BLTP3A: variants seen among roughly 807,000 people sequenced by gnomAD.
The protein encoded by BLTP3A is ICBP90 binding protein 1.
chr6:34,867,609 G>A, the BLTP3A span: 144 of 1,612,586 alleles, frequency 8.9e-5, no homozygotes, highest in African/African-American at 1.8e-3. Flanking sequence ...TGCATGGACA[G>A]TGCCCAGGTA....
At chr6:34,864,826 G>A in the BLTP3A span, among the ~76,000 whole-genome samples, 700 of 152,070 alleles carry the variant, frequency 4.6e-3, 5 homozygotes, top group African/African-American at 0.016. Context: ...AAATTAGCTG[G>A]GCTTAGCGGC....
At chr6:34,851,895 A>C in the BLTP3A span, among the ~76,000 whole-genome samples, 2 of 152,006 alleles carry the variant, frequency 1.3e-5, no homozygotes, top group Non-Finnish European at 2.9e-5. Flanking sequence ...TCTCTCCAGG[A>C]CCACCACTGC....
the BLTP3A span, among the ~76,000 whole-genome samples, chr6:34,806,672 C>G: frequency 0.22 from 32,735 of 152,080 alleles, 4,244 homozygotes; most frequent in African/African-American, 0.36. Flanking sequence ...TATTCTCCCC[C>G]CCTCCCCAAG....
chr6:34,869,086 A>G, the BLTP3A span, among the ~76,000 whole-genome samples: 1 of 151,736 alleles, frequency 6.6e-6, no homozygotes, highest in African/African-American at 2.4e-5. Flanking sequence ...ACGTGCTGCA[A>G]CCTTCACCTC....
At chr6:34,836,228 A>G in the BLTP3A span, 1 of 1,613,982 alleles carries the variant, frequency 6.2e-7, no homozygotes, top group African/African-American at 1.3e-5. Flanking sequence ...CAACAGCAAC[A>G]GCAGCAGCAG....
At chr6:34,873,131 T>C in the BLTP3A span, 1 of 152,234 alleles carries the variant, frequency 6.6e-6, no homozygotes, top group Non-Finnish European at 1.5e-5. Context: ...TAAATAACAG[T>C]AGTGGCTCAG....
At chr6:34,836,272 G>T in the BLTP3A span, 1 of 1,614,070 alleles carries the variant, frequency 6.2e-7, no homozygotes, top group Non-Finnish European at 8.5e-7. Context: ...AATTTGATGT[G>T]AAAGAGTCCT....
chr6:34,847,763 TG>T, the BLTP3A span, among the ~76,000 whole-genome samples: 39 of 151,348 alleles, frequency 2.6e-4, no homozygotes, highest in African/African-American at 7.2e-4. Context: ...TCTTTTCTAT[TG>T]TTTTTTTTTC....
At chr6:34,848,902 C>T in the BLTP3A span, among the ~76,000 whole-genome samples, 1 of 146,386 alleles carries the variant, frequency 6.8e-6, no homozygotes, top group African/African-American at 2.5e-5. Context: ...TTCCTGTCTT[C>T]CTTTCTGTGA....
the BLTP3A span, among the ~76,000 whole-genome samples, chr6:34,805,389 T>A: frequency 4.6e-5 from 7 of 151,568 alleles, no homozygotes; most frequent in Admixed American, 4.6e-4. Context: ...AGTCAGGAGT[T>A]TGAGACAAGC....
chr6:34,820,254 C>G, the BLTP3A span, among the ~76,000 whole-genome samples: 1 of 151,810 alleles, frequency 6.6e-6, no homozygotes, highest in Non-Finnish European at 1.5e-5. Flanking sequence ...TTCTTCATTT[C>G]TCTCATCCCT....
the BLTP3A span, among the ~76,000 whole-genome samples, chr6:34,798,877 G>C: frequency 6.6e-6 from 1 of 152,214 alleles, no homozygotes; most frequent in Non-Finnish European, 1.5e-5. Context: ...TTAAGAGAAA[G>C]GAGGGGCTAT....
the BLTP3A span, chr6:34,856,393 C>G: frequency 6.2e-7 from 1 of 1,614,010 alleles, no homozygotes; most frequent in African/African-American, 1.3e-5. Context: ...TAGACTCTCT[C>G]TTTCGGAGAA....
the BLTP3A span, among the ~76,000 whole-genome samples, chr6:34,825,292 C>A: frequency 6.6e-6 from 1 of 151,800 alleles, no homozygotes; most frequent in Non-Finnish European, 1.5e-5. Context: ...CTCTCTCTGG[C>A]CTCTTTTCTT....
the BLTP3A span, among the ~76,000 whole-genome samples, chr6:34,832,350 G>A: frequency 6.6e-6 from 1 of 151,954 alleles, no homozygotes; most frequent in Admixed American, 6.6e-5. Flanking sequence ...CAAACTCCTA[G>A]GCTCAAGTGA....
chr6:34,831,443 T>A, the BLTP3A span, among the ~76,000 whole-genome samples: 3 of 152,176 alleles, frequency 2.0e-5, no homozygotes, highest in Non-Finnish European at 4.4e-5. Flanking sequence ...TTAATTTTTT[T>A]TAAATTATTG....
the BLTP3A span, among the ~76,000 whole-genome samples, chr6:34,820,191 C>T: frequency 1.3e-5 from 2 of 152,020 alleles, no homozygotes; most frequent in East Asian, 3.9e-4. Context: ...AGCTTGCTTC[C>T]TGAGATAATA....
At chr6:34,843,818 A>G in the BLTP3A span, among the ~76,000 whole-genome samples, 1 of 152,194 alleles carries the variant, frequency 6.6e-6, no homozygotes, top group Non-Finnish European at 1.5e-5. Flanking sequence ...AAGAACTTCC[A>G]TACTGTTCTC....
chr6:34,871,686 A>G, the BLTP3A span: 11,949 of 1,614,194 alleles, frequency 7.4e-3, 82 homozygotes, highest in Middle Eastern at 0.015. Context: ...TGTGTTCCAC[A>G]TAGGCGGTGA....
Sources: allele counts gnomAD v4.1 joint callset (sites outside exome capture counted in the v4.1 genomes callset), GRCh38; gene constraint gnomAD v4.1.1; transcripts MANE v1.5; gene names NCBI Gene and HGNC (gene_info 2026-07-23, HGNC 2026-07-21).